Variants in SAMD4A observed in about 807,000 individuals in gnomAD.
SAMD4A encodes sterile alpha motif domain containing 4A.
In SAMD4A, 33 loss-of-function variants were observed where a neutral mutation model predicts 81.3. That is an observed-to-expected ratio of 0.41 (90% CI 0.31 to 0.54). The LOEUF is 0.54. Ranked by LOEUF, SAMD4A falls within the 20% of genes least tolerant of loss-of-function variation. SAMD4A has a pLI of 0.37. For synonymous variants in SAMD4A, 389 were observed against 382.1 expected, an observed-to-expected ratio of 1.02 and a Z score of -0.21; for missense variants, 854 against 951.1, an observed-to-expected ratio of 0.90 and a Z score of 1.34.
At chr14:54,745,438 A>G (rs1355636814) in intron 4 of SAMD4A, among the ~76,000 whole-genome samples, 3 of 152,132 alleles carry the variant, frequency 2.0e-5, no homozygotes, top group Admixed American at 6.6e-5. Context: ...ACACCAAGTT[A>G]TTGTACTTTG....
At chr14:54,702,627 CTGTG>C in intron 3 of SAMD4A, 47 bp downstream of exon 3, 1 of 1,591,286 alleles carries the variant, frequency 6.3e-7, no homozygotes. Flanking sequence ...TGGCGATTTG[CTGTG>C]TATGTGGCAT....
At chr14:54,678,336 C>T (rs2036036456) in intron 2 of SAMD4A, among the ~76,000 whole-genome samples, 1 of 152,034 alleles carries the variant, frequency 6.6e-6, no homozygotes, top group Non-Finnish European at 1.5e-5. Flanking sequence ...GGTTTTATGA[C>T]CTGCCTCAGG....
chr14:54,648,747 A>T (rs989462299), intron 2 of SAMD4A, among the ~76,000 whole-genome samples: 1 of 152,102 alleles, frequency 6.6e-6, no homozygotes, highest in African/African-American at 2.4e-5. Flanking sequence ...TATGTTCTAG[A>T]TGTGATGGGA....
At chr14:54,631,589 A>G (rs1028138779) in intron 2 of SAMD4A, among the ~76,000 whole-genome samples, 2 of 152,208 alleles carry the variant, frequency 1.3e-5, no homozygotes, top group African/African-American at 4.8e-5. Flanking sequence ...TTCCCTTAGA[A>G]TGATGTGGCC....
At chr14:54,604,505 C>T (rs140469718) in intron 2 of SAMD4A, among the ~76,000 whole-genome samples, 83 of 152,326 alleles carry the variant, frequency 5.4e-4, no homozygotes, top group Middle Eastern at 3.4e-3. Flanking sequence ...AGAAAACTTA[C>T]AGCCCTGAAT....
At chr14:54,776,348 T>C (rs920225433) in intron 10 of SAMD4A, 66 bp from the exon 11 acceptor site, 40 of 1,511,024 alleles carry the variant, frequency 2.6e-5, no homozygotes, top group Non-Finnish European at 3.4e-5. Flanking sequence ...AAATTCTTGC[T>C]GGCGGCTCTG....
chr14:54,698,788 C>A (rs1472290684), intron 2 of SAMD4A, among the ~76,000 whole-genome samples: 2 of 152,212 alleles, frequency 1.3e-5, no homozygotes, highest in Non-Finnish European at 2.9e-5. Flanking sequence ...CCGGGGCCAG[C>A]GGCCTCTCGT....
rs140643548 is a variant in SAMD4A, at chr14:54,597,794, A to G, written c.196+29682A>G. Among the ~76,000 whole-genome samples the G allele has an allele frequency of 6.4e-4, 97 of 151,556 alleles. 1 individual carries two copies. The highest frequency in any genetic ancestry group is 2.1e-3 in the African/African-American group (86 of 41,322). On this transcript the variant is annotated intron_variant, in intron 2 of 12. Transcript: ENST00000554335. ...TTTAATAGAGACAGGATTTTGCCAT[A>G]TTGCCCAGGTCTCGAACTCCTGGGC...
chr14:54,622,851 C>T lies in SAMD4A; in HGVS notation c.196+54739C>T, dbSNP rs114616213. Among the ~76,000 whole-genome samples, 881 of 152,288 alleles carry T rather than the reference C, an allele frequency of 5.8e-3. 14 individuals are homozygous for T. Among genetic ancestry groups the T allele is most frequent in the African/African-American group, 0.02 (847 of 41,542 alleles). Reference sequence around the variant, plus strand: ...GTGTTAGATACACAGATTCTCAGGCCCCACCCTAGCCCTGCTGAATCAGAA... The same window carrying T: ...GTGTTAGATACACAGATTCTCAGGCTCCACCCTAGCCCTGCTGAATCAGAA... On this transcript the variant is annotated intron_variant, in intron 2 of 12. Coordinates refer to ENST00000554335, the MANE Select transcript of SAMD4A (RefSeq NM_015589.6).
chr14:54,685,472 T>C (rs2036242456), intron 2 of SAMD4A, among the ~76,000 whole-genome samples: 1 of 152,260 alleles, frequency 6.6e-6, no homozygotes, highest in Non-Finnish European at 1.5e-5. Context: ...CCATTGGATG[T>C]ATATTCCGCA....
intron 11 of SAMD4A, 149 bp downstream of exon 11, chr14:54,776,689 G>A: frequency 2.0e-6 from 2 of 1,022,798 alleles, no homozygotes; most frequent in Non-Finnish European, 2.6e-6. Flanking sequence ...ACTGTGCCTT[G>A]CCAGCATGAA....
chr14:54,620,757 T>C (rs1440054524), intron 2 of SAMD4A, among the ~76,000 whole-genome samples: 1 of 152,178 alleles, frequency 6.6e-6, no homozygotes, highest in East Asian at 1.9e-4. Context: ...CATTGCTCCA[T>C]TCATTTATTT....
chr14:54,722,199 A>G (rs936715860), intron 3 of SAMD4A, among the ~76,000 whole-genome samples: 2 of 152,184 alleles, frequency 1.3e-5, no homozygotes, highest in Non-Finnish European at 2.9e-5. Context: ...CTGACCAGTT[A>G]GGCAAAAATG....
intron 3 of SAMD4A, among the ~76,000 whole-genome samples, chr14:54,721,772 A>G (rs190328247): frequency 3.1e-3 from 466 of 152,314 alleles, no homozygotes; most frequent in Non-Finnish European, 5.0e-3. Context: ...TGGAAAGATT[A>G]ATTAAATGAT....
At chr14:54,722,521 T>C (rs1420972216) in intron 3 of SAMD4A, among the ~76,000 whole-genome samples, 1 of 152,210 alleles carries the variant, frequency 6.6e-6, no homozygotes, top group Non-Finnish European at 1.5e-5. Flanking sequence ...AAAAAGATAC[T>C]GATACGAAAA....
chr14:54,622,351 G>T (rs947977966), intron 2 of SAMD4A, among the ~76,000 whole-genome samples: 3 of 152,166 alleles, frequency 2.0e-5, no homozygotes, highest in Non-Finnish European at 4.4e-5. Context: ...GGACTGTTCA[G>T]GGCCTATCTA....
At chr14:54,775,164 A>T (rs757223488) in intron 10 of SAMD4A, 29 bp downstream of exon 10, 24 of 1,613,632 alleles carry the variant, frequency 1.5e-5, no homozygotes, top group Non-Finnish European at 2.0e-5. Context: ...AAGGAGGAGG[A>T]TGGCCAAGCT....
At chr14:54,672,020 G>GTTT (rs56900347) in intron 2 of SAMD4A, among the ~76,000 whole-genome samples, 1 of 125,084 alleles carries the variant, frequency 8.0e-6, no homozygotes, top group Non-Finnish European at 1.6e-5. Flanking sequence ...TGTTTATAGT[G>GTTT]TTTTTTTTTT....
chr14:54,734,654 G>A (rs2037646449), intron 3 of SAMD4A, among the ~76,000 whole-genome samples: 1 of 152,154 alleles, frequency 6.6e-6, no homozygotes, highest in African/African-American at 2.4e-5. Context: ...TTGGATAACT[G>A]ACAGCTTCCC....
Sources: gnomAD v4.1 joint callset for allele counts (sites outside exome capture counted in the v4.1 genomes callset) on GRCh38, gnomAD v4.1.1 for gene constraint, MANE v1.5 for transcripts, NCBI Gene and HGNC (gene_info 2026-07-23, HGNC 2026-07-21) for gene names.